RHBDL3: variants seen among roughly 807,000 people sequenced by gnomAD.
The protein encoded by RHBDL3 is rhomboid like 3.
A neutral mutation model predicts 48.2 loss-of-function variants in RHBDL3; 28 were observed. The ratio of observed to expected loss-of-function variants is 0.58; its 90% confidence interval spans 0.43 to 0.80. RHBDL3 has a LOEUF of 0.80. Ranked by LOEUF, RHBDL3 falls within the 30% of genes least tolerant of loss-of-function variation. The probability of loss-of-function intolerance (pLI) is 0.00; values close to 1 mark genes in which losing one functional copy is unlikely to be tolerated. For missense variants in RHBDL3, 464 were observed against 542.7 expected, an observed-to-expected ratio of 0.85 and a Z score of 1.44; for synonymous variants, 208 against 232.3, an observed-to-expected ratio of 0.90 and a Z score of 0.95.
chr17:32,300,491 C>G (rs528733872), intron 6 of RHBDL3, among the ~76,000 whole-genome samples: 1 of 152,208 alleles, frequency 6.6e-6, no homozygotes, highest in Admixed American at 6.5e-5. Flanking sequence ...AAGTGCAAGG[C>G]TGCAGTGAGC....
intron 2 of RHBDL3, among the ~76,000 whole-genome samples, chr17:32,273,166 A>G (rs2039814398): frequency 6.6e-6 from 1 of 151,900 alleles, no homozygotes; most frequent in Admixed American, 6.6e-5. Flanking sequence ...AGGCCTGGCT[A>G]TTTTTTGGTA....
chr17:32,293,558 C>T (rs373565055), intron 4 of RHBDL3, among the ~76,000 whole-genome samples: 1 of 148,202 alleles, frequency 6.7e-6, no homozygotes, highest in South Asian at 2.1e-4. Flanking sequence ...CCAGCCTGGA[C>T]GACAGAGCAA....
chr17:32,277,204 C>T (rs1409115736), intron 2 of RHBDL3, among the ~76,000 whole-genome samples: 1 of 152,236 alleles, frequency 6.6e-6, no homozygotes, highest in African/African-American at 2.4e-5. Context: ...ACATCCCTCA[C>T]TGAGGTCCAG....
intron 7 of RHBDL3, among the ~76,000 whole-genome samples, chr17:32,307,063 G>T (rs1343856044): frequency 6.6e-6 from 1 of 152,206 alleles, no homozygotes; most frequent in Non-Finnish European, 1.5e-5. Context: ...ACAAAGCCTT[G>T]AAGGCCAGAA....
At chr17:32,266,642 C>G (rs964245225) in intron 1 of RHBDL3, among the ~76,000 whole-genome samples, 2 of 152,224 alleles carry the variant, frequency 1.3e-5, no homozygotes, top group Non-Finnish European at 2.9e-5. Flanking sequence ...GTGACTCCCC[C>G]TCCCCTCACG....
chr17:32,311,435 G>A lies in RHBDL3; in HGVS notation c.883-4797G>A, dbSNP rs117496778. ...AGGTCATATTTACTGGCGTTTTTTC[G>A]CTCCATTTGTGGGCAGCTGGGACAG... On this transcript the variant is annotated intron_variant, in intron 7 of 8. Coordinates refer to ENST00000269051, the MANE Select transcript of RHBDL3 (RefSeq NM_138328.3). Among the ~76,000 whole-genome samples the A allele has an allele frequency of 9.9e-4, 151 of 152,186 alleles. 3 individuals carry two copies. The East Asian group carries it at 0.023, about 23-fold the overall frequency.
chr17:32,268,879 C>T (rs114515097), intron 2 of RHBDL3, among the ~76,000 whole-genome samples: 4,509 of 152,048 alleles, frequency 0.03, 224 homozygotes, highest in African/African-American at 0.1. Flanking sequence ...AGTGAATGGG[C>T]TACGGGGATG....
In RHBDL3 at chr17:32,322,232, C is replaced by A; in HGVS notation, c.*1003C>A. 6.6e-6 allele frequency: 1 copy of A among 152,604 alleles called. No individual in the cohort carries two copies. Among genetic ancestry groups the A allele is most frequent in the Non-Finnish European group, 1.5e-5 (1 of 68,302 alleles). 9.5% of individuals were successfully genotyped at this position (152,604 alleles called of 1,614,324 possible). A position where few individuals can be genotyped will look rare whatever the true frequency, so the allele number is the denominator to read the frequency against. On this transcript the variant is annotated 3_prime_UTR_variant, in exon 9 of 9. Transcript: ENST00000269051. Reference sequence around the variant, plus strand: ...GATGCAGGGGGCCCATGTGGGCATCCGTGAGAGGTGGCAGACCGTGGTGTG... The same window carrying A: ...GATGCAGGGGGCCCATGTGGGCATCAGTGAGAGGTGGCAGACCGTGGTGTG...
chr17:32,288,439 G>C (rs1050118121), intron 3 of RHBDL3: 3 of 261,314 alleles, frequency 1.1e-5, no homozygotes, highest in Non-Finnish European at 2.2e-5. Context: ...GTAGATGAAG[G>C]AAGGTATAGT....
At chr17:32,314,165 C>T (rs62064227) in intron 7 of RHBDL3, among the ~76,000 whole-genome samples, 54,801 of 151,994 alleles carry the variant, frequency 0.36, 11,909 homozygotes, top group Non-Finnish European at 0.48. Flanking sequence ...AGACTTTCTA[C>T]CTAAAAAGGG....
chr17:32,292,552 A>G (rs980122923), intron 4 of RHBDL3, among the ~76,000 whole-genome samples: 8 of 152,118 alleles, frequency 5.3e-5, no homozygotes, highest in Non-Finnish European at 8.8e-5. Context: ...CGCTGGTAAT[A>G]CCAGCACTTT....
intron 2 of RHBDL3, 145 bp from the exon 3 acceptor site, chr17:32,284,514 G>A (rs2040147743): frequency 7.3e-6 from 5 of 688,048 alleles, no homozygotes; most frequent in Non-Finnish European, 1.2e-5. Flanking sequence ...TCCCAGGGGG[G>A]TCCTTGGAAA....
intron 1 of RHBDL3, among the ~76,000 whole-genome samples, chr17:32,267,442 G>T (rs879284012): frequency 6.6e-6 from 1 of 151,732 alleles, no homozygotes; most frequent in African/African-American, 2.4e-5. Context: ...GGGGGGGAGG[G>T]GGGGGCTCTA....
At chr17:32,296,331 C>CTTTTTT (rs5819975) in intron 5 of RHBDL3, among the ~76,000 whole-genome samples, 9 of 83,804 alleles carry the variant, frequency 1.1e-4, no homozygotes, top group Non-Finnish European at 1.4e-4. Flanking sequence ...GAATAGGTCT[C>CTTTTTT]TTTTTTTTTT....
chr17:32,310,262 C>A (rs1305041962), intron 7 of RHBDL3, among the ~76,000 whole-genome samples: 1 of 152,142 alleles, frequency 6.6e-6, no homozygotes, highest in Non-Finnish European at 1.5e-5. Flanking sequence ...GGTTGCCTAA[C>A]AGACACTAAA....
intron 7 of RHBDL3, among the ~76,000 whole-genome samples, chr17:32,308,627 A>G (rs1183464178): frequency 6.6e-6 from 1 of 152,134 alleles, no homozygotes; most frequent in African/African-American, 2.4e-5. Flanking sequence ...AAAAAGAAAG[A>G]AAGAAAGTTA....
chr17:32,293,175 G>C (rs960277184), intron 4 of RHBDL3, among the ~76,000 whole-genome samples: 5 of 151,300 alleles, frequency 3.3e-5, no homozygotes, highest in Non-Finnish European at 5.9e-5. Flanking sequence ...CTGGAGGGAG[G>C]GGGTGGGGCG....
chr17:32,301,710 A>G (rs1176854326), intron 6 of RHBDL3, among the ~76,000 whole-genome samples: 1 of 151,920 alleles, frequency 6.6e-6, no homozygotes, highest in Non-Finnish European at 1.5e-5. Flanking sequence ...AATCCCAGCT[A>G]CTCAGGAAGC....
At chr17:32,286,697 G>A (rs1567770903) in intron 3 of RHBDL3, among the ~76,000 whole-genome samples, 2 of 152,188 alleles carry the variant, frequency 1.3e-5, no homozygotes, top group Non-Finnish European at 2.9e-5. Context: ...CTTTTTCAGA[G>A]CTCCCACAGT....
Sources: allele counts gnomAD v4.1 joint callset (sites outside exome capture counted in the v4.1 genomes callset), GRCh38; gene constraint gnomAD v4.1.1; transcripts MANE v1.5; gene names NCBI Gene and HGNC (gene_info 2026-07-23, HGNC 2026-07-21).